KCNN2: variants seen among roughly 807,000 people sequenced by gnomAD.
KCNN2 encodes the protein potassium calcium-activated channel subfamily N member 2.
A neutral mutation model predicts 55.5 loss-of-function variants in KCNN2; 24 were observed. That is an observed-to-expected ratio of 0.43 (90% CI 0.31 to 0.61). KCNN2 has a LOEUF of 0.61. Ranked by LOEUF, KCNN2 falls within the 20% of genes least tolerant of loss-of-function variation. KCNN2 has a pLI of 0.08. For missense variants in KCNN2, 754 were observed against 853.6 expected, an observed-to-expected ratio of 0.88 and a Z score of 1.45; for synonymous variants, 431 against 336.1, an observed-to-expected ratio of 1.28 and a Z score of -3.09.
At chr5:114,124,606 G>C (rs560330414) in intron 1 of KCNN2, among the ~76,000 whole-genome samples, 8 of 152,130 alleles carry the variant, frequency 5.3e-5, no homozygotes, top group South Asian at 2.1e-4. Flanking sequence ...CTCATCTCCC[G>C]TTACTCTCTC....
At chr5:114,411,853 C>G (rs970689679) in intron 3 of KCNN2, among the ~76,000 whole-genome samples, 1 of 152,192 alleles carries the variant, frequency 6.6e-6, no homozygotes, top group Non-Finnish European at 1.5e-5. Flanking sequence ...TACCAGTTCT[C>G]TAGGTATTCC....
chr5:114,183,562 C>T (rs1686321051), intron 1 of KCNN2, among the ~76,000 whole-genome samples: 1 of 152,044 alleles, frequency 6.6e-6, no homozygotes, highest in African/African-American at 2.4e-5. Context: ...CATCTTTTGT[C>T]ACTGTTAGTA....
chr5:114,420,313 G>A lies in KCNN2; in HGVS notation c.1637+15457G>A, dbSNP rs550826162. Among the ~76,000 whole-genome samples, 6 of 152,352 alleles carry A rather than the reference G, an allele frequency of 3.9e-5. No homozygotes were observed. In the East Asian group the frequency reaches 1.2e-3, roughly 29 times the overall value. On this transcript the variant is annotated intron_variant, in intron 3 of 7. Transcript: ENST00000673685. The stretch of plus-strand genomic sequence containing the variant: ...GCATGTAAACTGAGCTATGCAAAAA[G>A]CAGTAGCTCCAGGCTAGTTATTCCT...
intron 1 of KCNN2, among the ~76,000 whole-genome samples, chr5:114,151,292 A>G (rs574351589): frequency 4.6e-5 from 7 of 152,234 alleles, no homozygotes; most frequent in African/African-American, 1.2e-4. Flanking sequence ...GAAACTATTA[A>G]TAAGTTAAAA....
chr5:114,165,187 G>A (rs562219596), intron 1 of KCNN2, among the ~76,000 whole-genome samples: 3 of 152,090 alleles, frequency 2.0e-5, no homozygotes, highest in Non-Finnish European at 4.4e-5. Flanking sequence ...TTCAATAAAA[G>A]TTATGCCAAG....
At chr5:114,342,240 T>C (rs916000295) in intron 2 of KCNN2, among the ~76,000 whole-genome samples, 2 of 152,138 alleles carry the variant, frequency 1.3e-5, no homozygotes, top group African/African-American at 4.8e-5. Context: ...GAATTGTATT[T>C]TGCCAATTCT....
intron 2 of KCNN2, among the ~76,000 whole-genome samples, chr5:114,348,417 TATA>T (rs887398693): frequency 2.0e-5 from 3 of 151,510 alleles, no homozygotes; most frequent in African/African-American, 2.4e-5. Context: ...AAACTTAAAG[TATA>T]ATAATAATAA....
chr5:114,231,863 C>A (rs1372180460), intron 2 of KCNN2, among the ~76,000 whole-genome samples: 1 of 131,098 alleles, frequency 7.6e-6, no homozygotes, highest in African/African-American at 2.8e-5. Context: ...TTTTTTTTTT[C>A]TGTTAAAACC....
In KCNN2 at chr5:114,160,573, C is replaced by T. The variant is rs563498581; in HGVS notation, c.-270-60907C>T. On this transcript the variant is annotated intron_variant, in intron 1 of 10. Coordinates refer to the KCNN2 transcript ENST00000512097. ...CTGGATATCCTTTTTAACTTTCTGT[C>T]TCGTTGATCTGTCTAATGTTGACAG... Among the ~76,000 whole-genome samples, 314 of 152,258 alleles carry T rather than the reference C, an allele frequency of 2.1e-3. 1 individual carries two copies. The highest frequency in any genetic ancestry group is 7.0e-3 in the African/African-American group (291 of 41,546).
At chr5:114,190,752 T>C (rs1753432922) in intron 1 of KCNN2, among the ~76,000 whole-genome samples, 1 of 152,182 alleles carries the variant, frequency 6.6e-6, no homozygotes, top group African/African-American at 2.4e-5. Flanking sequence ...TTATTTCACT[T>C]ATAGTTTGAA....
chr5:114,491,010 A>G (rs1163608691), intron 6 of KCNN2, among the ~76,000 whole-genome samples: 1 of 152,206 alleles, frequency 6.6e-6, no homozygotes, highest in Non-Finnish European at 1.5e-5. Flanking sequence ...AAACAACAAG[A>G]CAAGATGATT....
At chr5:114,124,461 A>G (rs2974465) in intron 1 of KCNN2, among the ~76,000 whole-genome samples, 10,579 of 152,182 alleles carry the variant, frequency 0.07, 1,215 homozygotes, top group African/African-American at 0.24. Flanking sequence ...CTCAAAAACC[A>G]TGATCTGCCC....
intron 1 of KCNN2, among the ~76,000 whole-genome samples, chr5:114,201,564 A>C (rs550670423): frequency 6.6e-6 from 1 of 152,280 alleles, no homozygotes; most frequent in South Asian, 2.1e-4. Context: ...AGGTATGCTT[A>C]GGAGAATGTG....
chr5:114,221,752 C>A (rs757458758), intron 2 of KCNN2, among the ~76,000 whole-genome samples: 64 of 152,076 alleles, frequency 4.2e-4, no homozygotes, highest in Non-Finnish European at 7.8e-4. Flanking sequence ...ACTAGCCCAC[C>A]ACCACTGCAT....
chr5:114,092,207 C>G lies in KCNN2; in HGVS notation c.-271+35707C>G, dbSNP rs147946843. On this transcript the variant is annotated intron_variant, in intron 1 of 10. Coordinates refer to the KCNN2 transcript ENST00000512097. ...CCTGTTTCAGATTGGAGAAATTAGC[C>G]TTAACAAAGGGGCTACAGGTCCCAT... 7.6e-4 allele frequency among the ~76,000 whole-genome samples: 115 copies of G among 152,264 alleles called. 2 individuals carry two copies. Among genetic ancestry groups the G allele is most frequent in the African/African-American group, 2.7e-3 (114 of 41,544 alleles).
intron 1 of KCNN2, among the ~76,000 whole-genome samples, chr5:114,154,696 G>A (rs910379838): frequency 8.5e-5 from 13 of 152,096 alleles, no homozygotes; most frequent in East Asian, 1.9e-4. Context: ...TCTGAAGCCA[G>A]GTTCCTTTGA....
chr5:114,246,707 T>C (rs114883536), intron 2 of KCNN2, among the ~76,000 whole-genome samples: 2,584 of 152,164 alleles, frequency 0.017, 75 homozygotes, highest in African/African-American at 0.059. Flanking sequence ...TTCAAATGAA[T>C]AACACAATAT....
At chr5:114,468,303 TTATGAAAGAATA>T (rs1431104031) in intron 4 of KCNN2, among the ~76,000 whole-genome samples, 1 of 152,118 alleles carries the variant, frequency 6.6e-6, no homozygotes, top group Non-Finnish European at 1.5e-5. Flanking sequence ...TCACATGTTT[TTATGAAAGAATA>T]ATTATTTATG....
intron 2 of KCNN2, among the ~76,000 whole-genome samples, chr5:114,273,472 A>G (rs1580681593): frequency 1.3e-5 from 2 of 152,154 alleles, no homozygotes; most frequent in African/African-American, 4.8e-5. Context: ...ACTAATTTAC[A>G]CTCCTACCAC....
Sources: gnomAD v4.1 joint callset for allele counts (sites outside exome capture counted in the v4.1 genomes callset) on GRCh38, gnomAD v4.1.1 for gene constraint, MANE v1.5 for transcripts, NCBI Gene and HGNC (gene_info 2026-07-23, HGNC 2026-07-21) for gene names.